PTPRZ1: variants seen among roughly 807,000 people sequenced by gnomAD.
PTPRZ1 encodes the protein protein tyrosine phosphatase receptor type Z1, also known as receptor-type tyrosine-protein phosphatase zeta.
PTPRZ1 carries 82 observed loss-of-function variants against 214.1 expected under a neutral mutation model. That is an observed-to-expected ratio of 0.38 (90% CI 0.32 to 0.46). The LOEUF (loss-of-function observed/expected upper bound fraction) is 0.46, where lower values mean the gene tolerates loss of function less well. Ranked by LOEUF, PTPRZ1 falls within the 20% of genes least tolerant of loss-of-function variation. The pLI is 1.00. For synonymous variants in PTPRZ1, 945 were observed against 987.9 expected, an observed-to-expected ratio of 0.96 and a Z score of 0.81; for missense variants, 2,603 against 2,748.7, an observed-to-expected ratio of 0.95 and a Z score of 1.19.
chr7:121,924,730 G>C (rs1795706891), intron 1 of PTPRZ1, among the ~76,000 whole-genome samples: 1 of 152,084 alleles, frequency 6.6e-6, no homozygotes, highest in Non-Finnish European at 1.5e-5. Flanking sequence ...CATGGTATCT[G>C]ATCTCCTGAA....
intron 20 of PTPRZ1, among the ~76,000 whole-genome samples, chr7:122,039,995 G>A (rs200174006): frequency 2.9e-4 from 42 of 142,720 alleles, no homozygotes; most frequent in Admixed American, 1.5e-3. Context: ...AAAAAGAAAA[G>A]AAAAAAAAAA....
intron 2 of PTPRZ1, among the ~76,000 whole-genome samples, chr7:121,929,705 G>T (rs1795867156): frequency 6.6e-6 from 1 of 151,750 alleles, no homozygotes; most frequent in Non-Finnish European, 1.5e-5. Flanking sequence ...CTACTTAGGA[G>T]GCTGAGGCAG....
chr7:121,947,995 C>T (rs1412495772), intron 2 of PTPRZ1, among the ~76,000 whole-genome samples: 1 of 152,090 alleles, frequency 6.6e-6, no homozygotes, highest in Non-Finnish European at 1.5e-5. Flanking sequence ...TTTCCCCTCA[C>T]ATTTGTGAAA....
At chr7:121,919,429 C>T (rs1795525043) in intron 1 of PTPRZ1, among the ~76,000 whole-genome samples, 1 of 151,960 alleles carries the variant, frequency 6.6e-6, no homozygotes, top group Non-Finnish European at 1.5e-5. Flanking sequence ...TAACATTTAT[C>T]AATAGCTTAA....
chr7:122,017,430 T>A (rs550917605), intron 12 of PTPRZ1, among the ~76,000 whole-genome samples: 1 of 152,246 alleles, frequency 6.6e-6, no homozygotes, highest in Non-Finnish European at 1.5e-5. Flanking sequence ...AGTTTTATGA[T>A]TTTTAATCAC....
chr7:122,057,536 C>G (rs1414781081), intron 27 of PTPRZ1, among the ~76,000 whole-genome samples: 1 of 151,282 alleles, frequency 6.6e-6, no homozygotes, highest in Admixed American at 6.6e-5. Context: ...TTATCATTTA[C>G]TGATTTATCA....
chr7:121,957,617 C>T lies in PTPRZ1; in HGVS notation c.125-10334C>T, dbSNP rs539927984. On this transcript the variant is annotated intron_variant, in intron 2 of 29. Coordinates refer to ENST00000393386, the MANE Select transcript of PTPRZ1 (RefSeq NM_002851.3). ...GTTTTTCTGAGAAAATAGGGAAAGG[C>T]GCTGAAAAGATTGTACTGTCTGCCT... Among the ~76,000 whole-genome samples the T allele has an allele frequency of 1.6e-4, 25 of 152,270 alleles. 1 individual carries two copies. The South Asian group carries it at 1.9e-3, about 11-fold the overall frequency.
chr7:121,993,849 G>GT (rs1798047833), intron 8 of PTPRZ1, among the ~76,000 whole-genome samples: 1 of 151,900 alleles, frequency 6.6e-6, no homozygotes, highest in South Asian at 2.1e-4. Flanking sequence ...AAGTATGTAT[G>GT]TTTTTTTCAC....
rs1563046397 is a variant in PTPRZ1 at position 121,976,281 on chromosome 7, C to T, written c.552+13C>T. ...CATTTTGTTTGAGGTAATATATATA[C>T]ACTTTACACTAATGTAATTCCTTTT... is the stretch of plus-strand genomic sequence containing the variant. On this transcript the variant is annotated intron_variant, in intron 5 of 29. Transcript: ENST00000393386. 1 of 1,397,318 alleles carries T rather than the reference C, an allele frequency of 7.2e-7. No homozygotes were observed. Among genetic ancestry groups the T allele is most frequent in the African/African-American group, 1.4e-5 (1 of 71,448 alleles). The allele number at this position is 1,397,318 out of a possible 1,614,324, so 86.6% of individuals were successfully genotyped here.
chr7:121,997,617 G>A (rs534468305), intron 9 of PTPRZ1, among the ~76,000 whole-genome samples: 486 of 146,012 alleles, frequency 3.3e-3, no homozygotes, highest in Non-Finnish European at 4.5e-3. Context: ...AATTTGATGA[G>A]TTCTGGCTAA....
At position 121,973,941 on chromosome 7, in the gene PTPRZ1, A is replaced by G. The variant is rs1797344181; in HGVS notation, c.456+1249A>G. 1.1e-4 allele frequency among the ~76,000 whole-genome samples: 4 copies of G among 35,502 alleles called. No homozygotes were observed. The South Asian group carries it at 4.7e-3, about 41-fold the overall frequency. The allele number at this position is 35,502 out of a possible 152,430, so 23.3% of individuals were successfully genotyped here. On this transcript the variant is annotated intron_variant, in intron 4 of 29. Transcript: ENST00000393386. The stretch of plus-strand genomic sequence containing the variant: ...GGAGTGAGACGCTGTCTCAAAAAAG[A>G]AAAAAAAAAAAAAAAAAAAAAAGCA...
intron 1 of PTPRZ1, chr7:121,908,357 C>G: frequency 8.4e-6 from 2 of 237,208 alleles, no homozygotes; most frequent in Admixed American, 5.4e-5. Context: ...GTAGATCAAT[C>G]CCTTTGGAAA....
At chr7:122,044,348 A>G in intron 22 of PTPRZ1, 74 bp from the exon 23 acceptor site, 1 of 1,535,740 alleles carries the variant, frequency 6.5e-7, no homozygotes, top group Non-Finnish European at 8.9e-7. Flanking sequence ...TGTCAATGGA[A>G]GGTACTATGT....
At chr7:121,878,743 A>G (rs764857243) in intron 1 of PTPRZ1, among the ~76,000 whole-genome samples, 1 of 152,218 alleles carries the variant, frequency 6.6e-6, no homozygotes, top group African/African-American at 2.4e-5. Flanking sequence ...TCTTACATTC[A>G]TCATTCATTC....
chr7:121,944,016 T>C (rs1304695920), intron 2 of PTPRZ1, among the ~76,000 whole-genome samples: 1 of 152,252 alleles, frequency 6.6e-6, no homozygotes, highest in Non-Finnish European at 1.5e-5. Context: ...GTGTAACATG[T>C]AACAACATTG....
chr7:121,891,296 T>C (rs948601620), intron 1 of PTPRZ1, among the ~76,000 whole-genome samples: 1 of 151,986 alleles, frequency 6.6e-6, no homozygotes, highest in Non-Finnish European at 1.5e-5. Flanking sequence ...TTATCACTCA[T>C]GCATTTTTCT....
chr7:121,976,083 G>GT (rs1797423668), intron 4 of PTPRZ1, 90 bp from the exon 5 acceptor site: 2 of 814,824 alleles, frequency 2.5e-6, no homozygotes, highest in African/African-American at 3.3e-5. Context: ...ATTTATAAAA[G>GT]ATTTTGGAAA....
At chr7:122,013,960 T>C in intron 12 of PTPRZ1, 71 bp downstream of exon 12, 2 of 1,306,286 alleles carry the variant, frequency 1.5e-6, no homozygotes, top group East Asian at 2.4e-5. Flanking sequence ...ATGAAAATTA[T>C]AGAAAGATAG....
At chr7:122,030,853 C>T (rs978605147) in intron 14 of PTPRZ1, among the ~76,000 whole-genome samples, 11 of 151,874 alleles carry the variant, frequency 7.2e-5, no homozygotes, top group Non-Finnish European at 1.2e-4. Flanking sequence ...GATCCAATGA[C>T]TTTGTTTACA....
Sources: allele counts gnomAD v4.1 joint callset (sites outside exome capture counted in the v4.1 genomes callset), GRCh38; gene constraint gnomAD v4.1.1; transcripts MANE v1.5; gene names NCBI Gene and HGNC (gene_info 2026-07-23, HGNC 2026-07-21).